Variants in TECTA observed in about 807,000 individuals in gnomAD.
The protein encoded by TECTA is tectorin alpha.
In TECTA, 128 loss-of-function variants were observed where a neutral mutation model predicts 216.8. That is an observed-to-expected ratio of 0.59 (90% CI 0.51 to 0.68). The LOEUF is 0.68. TECTA is among the 30% of genes least tolerant of loss of function. The pLI is 0.00. For missense variants in TECTA, 2,551 were observed against 2,786.2 expected (o/e 0.92, Z 1.90); for synonymous variants, 1,089 against 1,117.1 (o/e 0.97, Z 0.50).
At chr11:121,122,701 A>G (rs34790469) in intron 7 of TECTA, among the ~76,000 whole-genome samples, 1 of 146,440 alleles carries the variant, frequency 6.8e-6, no homozygotes, top group African/African-American at 2.5e-5. Flanking sequence ...AAAGAAAGCC[A>G]AAATAGCCAG....
At chr11:121,133,283 T>C (rs1481838703) in intron 10 of TECTA, among the ~76,000 whole-genome samples, 2 of 152,174 alleles carry the variant, frequency 1.3e-5, no homozygotes, top group Non-Finnish European at 2.9e-5. Flanking sequence ...GCAGACTTCA[T>C]GCCTCATTAC....
chr11:121,169,201 A>G (rs1406808424), intron 20 of TECTA, among the ~76,000 whole-genome samples: 1 of 152,244 alleles, frequency 6.6e-6, no homozygotes, highest in Non-Finnish European at 1.5e-5. Flanking sequence ...CTTTATTCTC[A>G]AAGTGGGGAT....
At chr11:121,166,067 A>C (rs1947050253) in intron 17 of TECTA, among the ~76,000 whole-genome samples, 1 of 152,240 alleles carries the variant, frequency 6.6e-6, no homozygotes, top group South Asian at 2.1e-4. Context: ...AGTGCTTATT[A>C]GCCAGTGTTT....
At chr11:121,172,703 C>CAGT (rs1345419823) in intron 20 of TECTA, among the ~76,000 whole-genome samples, 1 of 151,928 alleles carries the variant, frequency 6.6e-6, no homozygotes, top group Non-Finnish European at 1.5e-5. Context: ...GGTATATACC[C>CAGT]AGTAATGGGA....
At chr11:121,181,145 C>G (rs1036767491) in intron 20 of TECTA, among the ~76,000 whole-genome samples, 11 of 152,072 alleles carry the variant, frequency 7.2e-5, no homozygotes, top group African/African-American at 2.7e-4. Flanking sequence ...AGCCTGGTGA[C>G]AGAGCAAGAC....
intron 18 of TECTA, among the ~76,000 whole-genome samples, chr11:121,167,691 G>T (rs1249617233): frequency 1.3e-5 from 2 of 152,190 alleles, no homozygotes; most frequent in African/African-American, 4.8e-5. Context: ...GTGGAGAAGA[G>T]ATTTTGAATT....
At position 121,127,516 on chromosome 11, in the gene TECTA, A is replaced by G. The variant is rs74736885; in HGVS notation, c.1775-236A>G. On this transcript the variant is annotated intron_variant, in intron 8 of 23. Coordinates refer to ENST00000392793, the MANE Select transcript of TECTA (RefSeq NM_005422.4). This position sits in a 1 kb window ranked among gnomAD's most constrained non-coding sequence, Gnocchi z 5.0. ...GATGGCATCCTGAAAGTTTAATTTT[A>G]GTCAAGATGATCAAATTCCAATAGA... 0.077 allele frequency among the ~76,000 whole-genome samples: 11,659 copies of G among 152,258 alleles called. 498 individuals are homozygous for G. Among genetic ancestry groups the G allele is most frequent in the South Asian group, 0.12 (594 of 4,818 alleles).
At chr11:121,182,772 C>A (rs902601745) in intron 20 of TECTA, among the ~76,000 whole-genome samples, 1 of 152,120 alleles carries the variant, frequency 6.6e-6, no homozygotes, top group Non-Finnish European at 1.5e-5. Context: ...TGTCCTTAGA[C>A]CCCTGGAAGA....
chr11:121,152,794 T>C (rs1946903000), intron 12 of TECTA, 87 bp from the exon 13 acceptor site: 2 of 1,421,278 alleles, frequency 1.4e-6, no homozygotes, highest in South Asian at 1.3e-5. Context: ...GCCTTTCATC[T>C]CCCTGAGTAG....
chr11:121,132,599 T>A (rs1274897469), intron 10 of TECTA, among the ~76,000 whole-genome samples: 1 of 152,234 alleles, frequency 6.6e-6, no homozygotes, highest in Middle Eastern at 3.2e-3. Flanking sequence ...ACACCCTCCA[T>A]ACACATTTTT....
chr11:121,114,781 T>C (rs914862569), intron 6 of TECTA, among the ~76,000 whole-genome samples: 88 of 2,294 alleles, frequency 0.038, no homozygotes, highest in African/African-American at 0.058. Context: ...ACCCATTCAC[T>C]CACCCATCCA....
In TECTA at chr11:121,162,269, G is replaced by A. The variant is rs526433; in HGVS notation, c.5171G>A (p.Ser1724Asn). Residue 1724 changes from serine (S) to asparagine (N), a missense_variant, in exon 16 of 24, where the codon AGC becomes AAC. Transcript: ENST00000392793. ...YESCYLDGCYSHKKFQLCGSL... is the reference protein window; with the variant it reads ...YESCYLDGCYNHKKFQLCGSL... ...TCCTGCTACCTGGACGGCTGCTACA[G>A]CCACAAGAAGTTCCAGCTGTGCGGC... 1,598,524 of 1,614,034 alleles carry A rather than the reference G, an allele frequency of 0.99. 791,613 individuals are homozygous for A. Among genetic ancestry groups the A allele is most frequent in the East Asian group, 1 (44,889 of 44,890 alleles).
intron 20 of TECTA, among the ~76,000 whole-genome samples, chr11:121,183,949 A>T (rs1156601696): frequency 1.3e-5 from 2 of 152,048 alleles, no homozygotes; most frequent in South Asian, 2.1e-4. Context: ...CACCATGCCC[A>T]GCTAATTTTC....
intron 20 of TECTA, among the ~76,000 whole-genome samples, chr11:121,169,633 T>G (rs545218366): frequency 1.3e-5 from 2 of 152,354 alleles, no homozygotes; most frequent in South Asian, 4.1e-4. Context: ...AAATCAATGG[T>G]TTTTGGTAAA....
rs139165033 is a variant in TECTA at position 121,128,038 on chromosome 11, C to G, written c.2061C>G (p.Asn687Lys). 4,315 of 1,613,012 alleles carry G rather than the reference C, an allele frequency of 2.7e-3. 6 individuals are homozygous for G. Among genetic ancestry groups the G allele is most frequent in the Non-Finnish European group, 3.4e-3 (3,956 of 1,179,670 alleles). ...AGGGCGGGGACGTCTACTGCTTCAA[C>G]AAGACCTGCGGCAGCGGGGAGGTGT... ...CEEGGDVYCF[N>K]KTCGSGEVCA... The change falls in exon 9 of 24, where the codon AAC (asparagine) becomes AAG (lysine). Residue 687 changes from asparagine (N) to lysine (K), a missense_variant. Around this residue, in one of 3 missense-constraint regions of TECTA, gnomAD observed 2,375 missense variants for 2,563.9 expected, o/e 0.93. Coordinates refer to ENST00000392793, the MANE Select transcript of TECTA (RefSeq NM_005422.4).
At chr11:121,142,924 T>G (rs1440523993) in intron 11 of TECTA, among the ~76,000 whole-genome samples, 1 of 152,130 alleles carries the variant, frequency 6.6e-6, no homozygotes, top group Non-Finnish European at 1.5e-5. Flanking sequence ...CTTCAACTCA[T>G]AAACATTCTC....
chr11:121,157,153 A>T (rs2135119404), intron 13 of TECTA, among the ~76,000 whole-genome samples: 1 of 152,300 alleles, frequency 6.6e-6, no homozygotes, highest in South Asian at 2.1e-4. Context: ...TTCATCTTTG[A>T]AGCAGAGTCT....
Position 121,152,866 on chromosome 11 carries a change from T to C in TECTA, c.4106-15T>C. The C allele has an allele frequency of 6.3e-7, 1 of 1,591,160 alleles. No homozygotes were observed. The highest frequency in any genetic ancestry group is 2.3e-5 in the East Asian group (1 of 44,272). On this transcript the variant is annotated splice_polypyrimidine_tract_variant and intron_variant, in intron 12 of 23. Coordinates refer to ENST00000392793, the MANE Select transcript of TECTA (RefSeq NM_005422.4). ...TTGTGATCGTGCGAGTCTTGACTTG[T>C]CTCTCTTGTTCCAGCTGTCACCTGC...
intron 13 of TECTA, among the ~76,000 whole-genome samples, chr11:121,155,822 C>T (rs1946935218): frequency 6.6e-6 from 1 of 152,136 alleles, no homozygotes; most frequent in Non-Finnish European, 1.5e-5. Context: ...TCCTGGAATT[C>T]TTAGTCTAGA....
Sources: gnomAD v4.1 joint callset for allele counts (sites outside exome capture counted in the v4.1 genomes callset) on GRCh38, gnomAD v4.1.1 for gene constraint, gnomAD v4.1.1 regional missense constraint, Gnocchi (gnomAD v3.1) non-coding constraint, MANE v1.5 for transcripts, NCBI Gene and HGNC (gene_info 2026-07-23, HGNC 2026-07-21) for gene names.